The following RTF1 variants were observed in gnomAD, a reference collection of about 807,000 sequenced individuals.
RTF1 encodes the protein RTF1 homolog, Paf1/RNA polymerase II complex component.
Under a neutral mutation model 95.7 loss-of-function variants are expected in RTF1, and 10 were observed. That is an observed-to-expected ratio of 0.10 (90% CI 0.06 to 0.18). The LOEUF (loss-of-function observed/expected upper bound fraction) is 0.18, where lower values mean the gene tolerates loss of function less well. Ranked by LOEUF, RTF1 falls within the 10% of genes least tolerant of loss-of-function variation. The pLI is 1.00. For synonymous variants in RTF1, 305 were observed against 311.8 expected, an observed-to-expected ratio of 0.98 and a Z score of 0.23; for missense variants, 458 against 875.6, an observed-to-expected ratio of 0.52 and a Z score of 6.02.
chr15:41,447,158 T>G (rs16971825), intron 2 of RTF1, among the ~76,000 whole-genome samples: 4,751 of 152,288 alleles, frequency 0.031, 232 homozygotes, highest in African/African-American at 0.11. Context: ...CACTTGTAAA[T>G]TCAGTTCAGA....
chr15:41,436,863 C>T lies in RTF1; in HGVS notation c.199-1458C>T, dbSNP rs201303605. Among the ~76,000 whole-genome samples, 7 of 151,856 alleles carry T rather than the reference C, an allele frequency of 4.6e-5. No homozygotes were observed. In the South Asian group the frequency reaches 6.2e-4, roughly 14 times the overall value. On this transcript the variant is annotated intron_variant, in intron 1 of 17. Transcript: ENST00000389629. ...CAGCACTTTGGGAGGTCGAGTTGGG[C>T]GGATTACAAGGTCAGGAGATCGAGA...
In RTF1 at chr15:41,481,717, CT is replaced by C. The variant is rs979351855; in HGVS notation, c.*1033del. 1.3e-5 allele frequency: 2 copies of C among 152,642 alleles called. No individual in the cohort carries two copies. Among genetic ancestry groups the C allele is most frequent in the Admixed American group, 1.3e-4 (2 of 15,284 alleles). 9.5% of individuals were successfully genotyped at this position (152,642 alleles called of 1,614,324 possible). A position where few individuals can be genotyped will look rare whatever the true frequency, so the allele number is the denominator to read the frequency against. ...TCTTCCTGGTGATTCTGTTTTGCTG[CT>C]TTGGCAAGAACTACATTTTGTTTTT... is the stretch of plus-strand genomic sequence containing the variant. On this transcript the variant is annotated 3_prime_UTR_variant, in exon 18 of 18. Coordinates refer to ENST00000389629, the MANE Select transcript of RTF1 (RefSeq NM_015138.5).
At chr15:41,470,529 C>G (rs1207264935) in intron 7 of RTF1, 137 bp downstream of exon 7, 1 of 863,250 alleles carries the variant, frequency 1.2e-6, no homozygotes, top group Non-Finnish European at 1.8e-6. Flanking sequence ...ACTGAGTTCC[C>G]CAGCACGTCA....
Position 41,438,377 on chromosome 15 carries a change from T to C in RTF1, c.255T>C (p.Pro85=), listed in dbSNP as rs1031432477. Residue 85 remains proline (P), a synonymous_variant, in exon 2 of 18, where the codon CCT becomes CCC. Coordinates refer to ENST00000389629, the MANE Select transcript of RTF1 (RefSeq NM_015138.5). ...KRSDSEEKEP[P]VSQPAASSDS... ...GTGACTCTGAGGAGAAGGAGCCGCC[T>C]GTGAGTCAGCCTGCAGCCTCGTCAG... 1.7e-5 allele frequency: 27 copies of C among 1,551,192 alleles called. No homozygotes were observed. The highest frequency in any genetic ancestry group is 2.7e-5 in the African/African-American group (2 of 73,056).
Position 41,480,219 on chromosome 15 carries a change from A to G in RTF1, c.1920A>G (p.Gln640=), listed in dbSNP as rs1224059884. 2 of 1,607,426 alleles carry G rather than the reference A, an allele frequency of 1.2e-6. No homozygotes were observed. The highest frequency in any genetic ancestry group is 1.7e-4 in the Middle Eastern group (1 of 6,052). ...PDAPKEMSKG[Q]GKDKDLNSKS... ...CTTTCCTCTTCACATTCCAGGGTCA[A>G]GGCAAAGATAAAGATTTGAATTCTA... Residue 640 remains glutamine (Q), a synonymous_variant, in exon 17 of 18, where the codon CAA becomes CAG. Transcript: ENST00000389629.
intron 1 of RTF1, among the ~76,000 whole-genome samples, chr15:41,427,640 A>G (rs1159801720): frequency 6.6e-6 from 1 of 152,042 alleles, no homozygotes; most frequent in East Asian, 1.9e-4. Flanking sequence ...TGATCACACA[A>G]CTGCACTCCA....
intron 1 of RTF1, among the ~76,000 whole-genome samples, chr15:41,434,877 T>A (rs1480159230): frequency 6.6e-6 from 1 of 152,084 alleles, no homozygotes; most frequent in African/African-American, 2.4e-5. Context: ...TCTGCCCGCC[T>A]TGGCCTCCCA....
At chr15:41,477,381 GAT>G (rs1720991831) in intron 13 of RTF1, 75 bp from the exon 14 acceptor site, 1 of 1,612,036 alleles carries the variant, frequency 6.2e-7, no homozygotes, top group African/African-American at 1.3e-5. Context: ...TGACCCCATA[GAT>G]ATCTGAGTTC....
intron 6 of RTF1, among the ~76,000 whole-genome samples, chr15:41,466,901 T>C (rs897098922): frequency 2.0e-5 from 3 of 152,210 alleles, no homozygotes; most frequent in African/African-American, 7.2e-5. Flanking sequence ...GTCCCTTGGG[T>C]TTCCTGTAAA....
chr15:41,472,182 C>G (rs2050915706), intron 8 of RTF1, among the ~76,000 whole-genome samples: 1 of 149,686 alleles, frequency 6.7e-6, no homozygotes, highest in South Asian at 2.1e-4. Context: ...GCCACCGCAC[C>G]TGGCCTATTT....
intron 1 of RTF1, among the ~76,000 whole-genome samples, chr15:41,428,950 T>A (rs2050653826): frequency 6.6e-6 from 1 of 152,144 alleles, no homozygotes; most frequent in Non-Finnish European, 1.5e-5. Flanking sequence ...TTGGCCAGGC[T>A]GGTCTCAAAC....
At chr15:41,424,461 A>G (rs1292298951) in intron 1 of RTF1, among the ~76,000 whole-genome samples, 1 of 152,204 alleles carries the variant, frequency 6.6e-6, no homozygotes. Flanking sequence ...TGAGTAACAT[A>G]AACTAGTTGC....
At chr15:41,426,369 G>A (rs543622895) in intron 1 of RTF1, among the ~76,000 whole-genome samples, 2 of 150,730 alleles carry the variant, frequency 1.3e-5, no homozygotes, top group South Asian at 2.1e-4. Context: ...GCAGTGGCAC[G>A]ATCTCTGCTC....
At chr15:41,463,833 G>A (rs1322512259) in intron 4 of RTF1, among the ~76,000 whole-genome samples, 1 of 151,898 alleles carries the variant, frequency 6.6e-6, no homozygotes, top group Non-Finnish European at 1.5e-5. Flanking sequence ...GTCTTTCATT[G>A]TGTGTTTTTT....
intron 3 of RTF1, 36 bp from the exon 4 acceptor site, chr15:41,457,636 G>A (rs1445644078): frequency 1.9e-6 from 3 of 1,598,726 alleles, no homozygotes; most frequent in Non-Finnish European, 1.7e-6. Context: ...GTCTTCTGTA[G>A]CATAGTGTAA....
intron 4 of RTF1, among the ~76,000 whole-genome samples, chr15:41,464,469 G>T (rs535004587): frequency 6.6e-6 from 1 of 151,456 alleles, no homozygotes; most frequent in African/African-American, 2.4e-5. Flanking sequence ...GGATGGTCTC[G>T]ATCTCTTGAT....
At chr15:41,464,714 A>G (rs78185622) in intron 4 of RTF1, 57 bp from the exon 5 acceptor site, 73,924 of 1,413,314 alleles carry the variant, frequency 0.052, 2,395 homozygotes, top group East Asian at 0.17. Context: ...TATCTAATAG[A>G]AATCAGTTTT....
chr15:41,470,357 CTCATCACGAACATCA>C lies in RTF1; in HGVS notation c.993_1007del (p.Arg333_Ser337del). ...ACAAATCCAGTGAAAAGTCAGACCG[CTCATCACGAACATCA>C]TCGTCTGATGAAGAAGAGGAGTAAG... On this transcript the variant is annotated inframe_deletion, in exon 7 of 18. Transcript: ENST00000389629. 6.2e-7 allele frequency: 1 copy of C among 1,613,960 alleles called. No individual in the cohort carries two copies. Among genetic ancestry groups the C allele is most frequent in the Non-Finnish European group, 8.5e-7 (1 of 1,179,932 alleles).
intron 8 of RTF1, among the ~76,000 whole-genome samples, chr15:41,474,183 G>C (rs1193961286): frequency 6.6e-6 from 1 of 152,122 alleles, no homozygotes; most frequent in African/African-American, 2.4e-5. Context: ...AGCCTGGATT[G>C]TTTTTGTTTT....
Sources: allele counts gnomAD v4.1 joint callset (sites outside exome capture counted in the v4.1 genomes callset), GRCh38; gene constraint gnomAD v4.1.1; transcripts MANE v1.5; gene names NCBI Gene and HGNC (gene_info 2026-07-23, HGNC 2026-07-21).